The following TMEM132D variants were observed in gnomAD, a reference collection of about 807,000 sequenced individuals.
TMEM132D encodes the protein transmembrane protein 132D.
TMEM132D carries 21 observed loss-of-function variants against 62.3 expected under a neutral mutation model. That is an observed-to-expected ratio of 0.34 (90% CI 0.24 to 0.49). The LOEUF is 0.49. TMEM132D is among the 20% of genes least tolerant of loss of function. The pLI, the probability that TMEM132D is intolerant of heterozygous loss-of-function variation, is 0.99. For synonymous variants in TMEM132D, 621 were observed against 575.6 expected (o/e 1.08, Z -1.13); for missense variants, 1,346 against 1,402.8 (o/e 0.96, Z 0.65).
intron 1 of TMEM132D, among the ~76,000 whole-genome samples, chr12:129,725,438 T>C (rs1370616202): frequency 6.6e-6 from 1 of 152,358 alleles, no homozygotes; most frequent in Non-Finnish European, 1.5e-5. Flanking sequence ...TCAATGCTGG[T>C]GATGCCACCG....
intron 5 of TMEM132D, among the ~76,000 whole-genome samples, chr12:129,161,636 C>G (rs963004305): frequency 6.6e-6 from 1 of 152,298 alleles, no homozygotes; most frequent in African/African-American, 2.4e-5. Context: ...TTCTGCTGGA[C>G]AGAGATTAAG....
intron 4 of TMEM132D, among the ~76,000 whole-genome samples, chr12:129,290,625 A>G (rs1046907647): frequency 1.3e-5 from 2 of 152,244 alleles, no homozygotes; most frequent in Admixed American, 1.3e-4. Flanking sequence ...AAAAAGGTTT[A>G]GAAGAATATA....
chr12:129,096,430 A>T (rs1875119847), intron 5 of TMEM132D, among the ~76,000 whole-genome samples: 1 of 152,202 alleles, frequency 6.6e-6, no homozygotes, highest in African/African-American at 2.4e-5. Context: ...AGGAAGACCC[A>T]ACAACATTTC....
At chr12:129,386,266 ACTAACACCAACACCAAAACCAATG>A (rs990195109) in intron 3 of TMEM132D, among the ~76,000 whole-genome samples, 29 of 152,330 alleles carry the variant, frequency 1.9e-4, no homozygotes, top group Middle Eastern at 3.4e-3. Context: ...CTAGGAGGGT[ACTAACACCAACACCAAAACCAATG>A]CTAACACTAA....
chr12:129,655,510 G>T (rs773516249), intron 2 of TMEM132D, among the ~76,000 whole-genome samples: 3 of 151,998 alleles, frequency 2.0e-5, no homozygotes, highest in Non-Finnish European at 4.4e-5. Context: ...GCCTCTCAAA[G>T]TGCTGGGATT....
chr12:129,530,284 A>C (rs1876177503), intron 3 of TMEM132D, among the ~76,000 whole-genome samples: 1 of 152,228 alleles, frequency 6.6e-6, no homozygotes, highest in African/African-American at 2.4e-5. Flanking sequence ...TGCACTCCAG[A>C]AATAATGCAT....
At chr12:129,606,419 G>A (rs1449518414) in intron 2 of TMEM132D, among the ~76,000 whole-genome samples, 1 of 152,088 alleles carries the variant, frequency 6.6e-6, no homozygotes, top group Non-Finnish European at 1.5e-5. Context: ...CCGCAGCCCC[G>A]GAGCCACACA....
intron 3 of TMEM132D, among the ~76,000 whole-genome samples, chr12:129,513,984 C>A (rs1450176853): frequency 6.6e-6 from 1 of 150,956 alleles, no homozygotes; most frequent in Admixed American, 6.6e-5. Context: ...ACTACAGGCG[C>A]CCGCCACCAC....
chr12:129,761,562 C>T lies in TMEM132D; in HGVS notation c.80-60864G>A, dbSNP rs543079667. On this transcript the variant is annotated intron_variant, in intron 1 of 8. Coordinates refer to ENST00000422113, the MANE Select transcript of TMEM132D (RefSeq NM_133448.3). ...TTCTGGCGAAGGTCAGGCAACTTCG[C>T]AGACAACGCTTCCCACTCACTTCCC... Among the ~76,000 whole-genome samples, 12 of 152,328 alleles carry T rather than the reference C, an allele frequency of 7.9e-5. No homozygotes were observed. The East Asian group carries it at 1.7e-3, about 22-fold the overall frequency.
chr12:129,807,951 C>G (rs1476522932), intron 1 of TMEM132D, among the ~76,000 whole-genome samples: 1 of 152,170 alleles, frequency 6.6e-6, no homozygotes, highest in Non-Finnish European at 1.5e-5. Context: ...TCCAAAGCAG[C>G]AGCAAGTCTT....
At chr12:129,742,510 C>T (rs1449961607) in intron 1 of TMEM132D, among the ~76,000 whole-genome samples, 2 of 152,224 alleles carry the variant, frequency 1.3e-5, no homozygotes. Context: ...CCACCTCCCA[C>T]ATTGGAGGTC....
rs371425793 is a variant in TMEM132D, at chr12:129,371,586, G to A, written c.1116-33769C>T. ...TGATGGTGACAATGATGTGATGATA[G>A]TAACAATGATCATGGCAGATTGTGG... is the stretch of plus-strand genomic sequence containing the variant. On this transcript the variant is annotated intron_variant, in intron 3 of 8. Coordinates refer to ENST00000422113, the MANE Select transcript of TMEM132D (RefSeq NM_133448.3). This position sits in a 1 kb window ranked among gnomAD's most constrained non-coding sequence, Gnocchi z 4.3. Among the ~76,000 whole-genome samples the A allele has an allele frequency of 1.3e-5, 2 of 151,932 alleles. No homozygotes were observed. Among genetic ancestry groups the A allele is most frequent in the South Asian group, 2.1e-4 (1 of 4,788 alleles).
intron 3 of TMEM132D, among the ~76,000 whole-genome samples, chr12:129,481,699 T>C (rs1186249912): frequency 2.6e-5 from 4 of 152,340 alleles, no homozygotes; most frequent in East Asian, 1.9e-4. Context: ...TGAGCTCTCT[T>C]ATACATTACT....
chr12:129,530,667 G>A (rs1254348022), intron 3 of TMEM132D, among the ~76,000 whole-genome samples: 1 of 152,222 alleles, frequency 6.6e-6, no homozygotes, highest in Non-Finnish European at 1.5e-5. Context: ...ATGCACCCGT[G>A]TGAAGAGAGA....
chr12:129,726,988 T>G (rs1008375042), intron 1 of TMEM132D, among the ~76,000 whole-genome samples: 45 of 152,294 alleles, frequency 3.0e-4, no homozygotes, highest in African/African-American at 1.1e-3. Flanking sequence ...CAGTGTGGAT[T>G]TATTTGCTAT....
intron 2 of TMEM132D, among the ~76,000 whole-genome samples, chr12:129,573,184 A>G (rs1399692315): frequency 6.6e-6 from 1 of 152,140 alleles, no homozygotes. Context: ...CCAGGGGCTC[A>G]TCGGCCAGCT....
chr12:129,457,758 G>A (rs1035714007), intron 3 of TMEM132D, among the ~76,000 whole-genome samples: 3 of 150,964 alleles, frequency 2.0e-5, no homozygotes, highest in African/African-American at 4.9e-5. Flanking sequence ...GAAGAGGGAG[G>A]TGCCACACAC....
At chr12:129,635,740 T>C (rs1271468017) in intron 2 of TMEM132D, among the ~76,000 whole-genome samples, 1 of 152,136 alleles carries the variant, frequency 6.6e-6, no homozygotes, top group Non-Finnish European at 1.5e-5. Context: ...CTCTGTAAAA[T>C]ATTTATAGAG....
intron 2 of TMEM132D, among the ~76,000 whole-genome samples, chr12:129,639,092 A>G (rs1462185976): frequency 6.6e-6 from 1 of 152,128 alleles, no homozygotes; most frequent in Non-Finnish European, 1.5e-5. Context: ...GAGACACATT[A>G]AAAATCAGGG....
Sources: allele counts gnomAD v4.1 joint callset (sites outside exome capture counted in the v4.1 genomes callset), GRCh38; gene constraint gnomAD v4.1.1; non-coding constraint Gnocchi (gnomAD v3.1); transcripts MANE v1.5; gene names NCBI Gene and HGNC (gene_info 2026-07-23, HGNC 2026-07-21).